The following NWD2 variants were observed in gnomAD, a reference collection of about 807,000 sequenced individuals.
The protein encoded by NWD2 is NACHT and WD repeat domain-containing protein 2.
In NWD2, 37 loss-of-function variants were observed where a neutral mutation model predicts 132.7. The ratio of observed to expected loss-of-function variants is 0.28; its 90% CI spans 0.21 to 0.37. The LOEUF is 0.37. NWD2 is among the 10% of genes least tolerant of loss of function. The pLI is 1.00. For missense variants in NWD2, 1,592 were observed against 2,122.4 expected, an observed-to-expected ratio of 0.75 and a Z score of 4.91; for synonymous variants, 705 against 803.0, an observed-to-expected ratio of 0.88 and a Z score of 2.06.
intron 3 of NWD2, among the ~76,000 whole-genome samples, chr4:37,421,649 T>G (rs575124773): frequency 1.3e-5 from 2 of 152,334 alleles, no homozygotes; most frequent in East Asian, 3.9e-4. Context: ...AAGCATCAGT[T>G]TAGTTATTCT....
At chr4:37,410,466 A>G (rs189950087) in intron 3 of NWD2, among the ~76,000 whole-genome samples, 3 of 152,304 alleles carry the variant, frequency 2.0e-5, no homozygotes, top group African/African-American at 7.2e-5. Context: ...CTAAATATAT[A>G]TGCACCCAAC....
At chr4:37,336,969 A>AAC (rs1719422884) in intron 2 of NWD2, among the ~76,000 whole-genome samples, 2 of 151,542 alleles carry the variant, frequency 1.3e-5, no homozygotes, top group South Asian at 4.2e-4. Flanking sequence ...AAAAAAAAAA[A>AAC]AACAAGAAAT....
chr4:37,400,038 G>A (rs1720871364), intron 3 of NWD2, among the ~76,000 whole-genome samples: 2 of 152,174 alleles, frequency 1.3e-5, no homozygotes, highest in African/African-American at 4.8e-5. Flanking sequence ...CTGGAGTTAA[G>A]ATTGTAGACT....
At chr4:37,305,877 G>T (rs561094984) in intron 1 of NWD2, among the ~76,000 whole-genome samples, 9 of 152,182 alleles carry the variant, frequency 5.9e-5, no homozygotes, top group African/African-American at 2.2e-4. Flanking sequence ...TAATGTGGAG[G>T]AATTTTTTTC....
At chr4:37,304,850 G>A (rs1718676597) in intron 1 of NWD2, among the ~76,000 whole-genome samples, 1 of 152,184 alleles carries the variant, frequency 6.6e-6, no homozygotes, top group African/African-American at 2.4e-5. Flanking sequence ...CTGGGGGCTG[G>A]AGGATGGTGG....
chr4:37,411,781 C>T (rs1275232744), intron 3 of NWD2, among the ~76,000 whole-genome samples: 1 of 152,178 alleles, frequency 6.6e-6, no homozygotes, highest in Non-Finnish European at 1.5e-5. Flanking sequence ...AAAAGCTTAT[C>T]CACCACAATC....
intron 2 of NWD2, among the ~76,000 whole-genome samples, chr4:37,336,626 A>C (rs1719410989): frequency 6.6e-6 from 1 of 152,194 alleles, no homozygotes; most frequent in Non-Finnish European, 1.5e-5. Flanking sequence ...AAAAATTAAA[A>C]ATCCAGAAAA....
At chr4:37,392,674 A>G (rs1019709294) in intron 3 of NWD2, among the ~76,000 whole-genome samples, 2 of 152,184 alleles carry the variant, frequency 1.3e-5, no homozygotes, top group African/African-American at 4.8e-5. Flanking sequence ...CCAGCAGTGG[A>G]CCTCACTGAA....
chr4:37,432,470 G>A (rs1209904848), intron 4 of NWD2, among the ~76,000 whole-genome samples: 1 of 150,890 alleles, frequency 6.6e-6, no homozygotes, highest in Admixed American at 6.6e-5. Flanking sequence ...TCTTATCTCT[G>A]TGCTGCTTTC....
Position 37,326,029 on chromosome 4 carries a change from T to C in NWD2, c.240+5T>C, listed in dbSNP as rs1339362376. 2 of 1,491,490 alleles carry C rather than the reference T, an allele frequency of 1.3e-6. No homozygotes were observed. The allele number at this position is 1,491,490 out of a possible 1,614,324, so 92.4% of individuals were successfully genotyped here. A position where few individuals can be genotyped will look rare whatever the true frequency, so the allele number is the denominator to read the frequency against. On this transcript the variant is annotated splice_donor_5th_base_variant and intron_variant, in intron 2 of 6. Transcript: ENST00000309447. ...AACTATGGATTGGAATTTCAGGTAA[T>C]TCTAGTGTTAATTTCATTCACAGTT...
intron 3 of NWD2, among the ~76,000 whole-genome samples, chr4:37,395,283 A>C (rs1255961075): frequency 6.6e-6 from 1 of 152,076 alleles, no homozygotes; most frequent in Admixed American, 6.5e-5. Flanking sequence ...TACAACCAGC[A>C]TACTGAAGGG....
rs374788102 is a variant in NWD2, at chr4:37,264,870, G to T, written c.151+19652G>T. On this transcript the variant is annotated intron_variant, in intron 1 of 6. Transcript: ENST00000309447. ...CAAAATGACATGTACAAGATAAAAA[G>T]TAAAATGTAGAGTCTGCTTCTGGCA... 2.6e-5 allele frequency among the ~76,000 whole-genome samples: 4 copies of T among 152,178 alleles called. No individual in the cohort carries two copies. The East Asian group carries it at 7.7e-4, about 29-fold the overall frequency.
intron 1 of NWD2, among the ~76,000 whole-genome samples, chr4:37,308,481 C>G (rs1182689016): frequency 6.6e-6 from 1 of 152,150 alleles, no homozygotes; most frequent in African/African-American, 2.4e-5. Flanking sequence ...GAGGGGTATG[C>G]TGGTCAGGGC....
rs982192900 is a variant in NWD2 at position 37,445,948 on chromosome 4, A to C, written c.3960A>C (p.Gln1320His). Reference protein sequence around the residue: ...SNIDKTGKPIQSLLLPARGEI... With the variant: ...SNIDKTGKPIHSLLLPARGEI... ...TAGATAAGACTGGAAAACCCATCCA[A>C]AGTCTGTTGTTGCCTGCTAGAGGGG... Residue 1320 changes from glutamine to histidine, a missense_variant, in exon 7 of 7, where the codon CAA becomes CAC. Gln to His is a conservative substitution (Grantham distance 24). Transcript: ENST00000309447. This position sits in a 1 kb window ranked among gnomAD's most constrained non-coding sequence, Gnocchi z 4.7. 4 of 1,551,522 alleles carry C rather than the reference A, an allele frequency of 2.6e-6. No individual in the cohort carries two copies. In the African/African-American group the frequency reaches 5.5e-5, roughly 21 times the overall value.
chr4:37,326,060 C>T, intron 2 of NWD2, 36 bp downstream of exon 2: 1 of 1,274,198 alleles, frequency 7.8e-7, no homozygotes, highest in Middle Eastern at 1.8e-4. Flanking sequence ...CAGTTATGTC[C>T]AGTTAAATAA....
At chr4:37,277,010 G>A (rs1718032210) in intron 1 of NWD2, among the ~76,000 whole-genome samples, 1 of 151,982 alleles carries the variant, frequency 6.6e-6, no homozygotes, top group Non-Finnish European at 1.5e-5. Flanking sequence ...GGGAGGGATA[G>A]TATTAGAAGA....
At chr4:37,418,286 T>A (rs1009327393) in intron 3 of NWD2, among the ~76,000 whole-genome samples, 2 of 74,756 alleles carry the variant, frequency 2.7e-5, no homozygotes, top group African/African-American at 9.9e-5. Flanking sequence ...TAAATATCAA[T>A]GAGTCCATAC....
chr4:37,298,420 A>G (rs1718543645), intron 1 of NWD2, among the ~76,000 whole-genome samples: 1 of 152,204 alleles, frequency 6.6e-6, no homozygotes, highest in Admixed American at 6.5e-5. Context: ...ATATTCAGCT[A>G]AACACGATCA....
intron 2 of NWD2, among the ~76,000 whole-genome samples, chr4:37,350,118 G>A (rs540373637): frequency 1.9e-4 from 29 of 152,260 alleles, no homozygotes; most frequent in African/African-American, 6.0e-4. Flanking sequence ...GTCAGGTAGT[G>A]CAATGCCTCC....
Sources: gnomAD v4.1 joint callset for allele counts (sites outside exome capture counted in the v4.1 genomes callset) on GRCh38, gnomAD v4.1.1 for gene constraint, Gnocchi (gnomAD v3.1) non-coding constraint, MANE v1.5 for transcripts, NCBI Gene and HGNC (gene_info 2026-07-23, HGNC 2026-07-21) for gene names.